The following TMCO1 variants were observed in gnomAD, a reference collection of about 807,000 sequenced individuals.
TMCO1 encodes the protein transmembrane and coiled-coil domains 1.
Under a neutral mutation model 29.3 loss-of-function variants are expected in TMCO1, and 29 were observed. That is an observed-to-expected ratio of 0.99 (90% confidence interval 0.74 to 1.35). TMCO1 has a LOEUF of 1.35. Among genes scored for constraint, TMCO1 ranks in the 40% most tolerant of loss-of-function variants. The pLI is 0.00. For missense variants in TMCO1, 173 were observed against 225.5 expected (o/e 0.77, Z 1.49); for synonymous variants, 80 against 77.1 (o/e 1.04, Z -0.20).
rs59467463 is a variant in TMCO1, at chr1:165,746,453, T to TCACA, written c.324-3146_324-3143dup. Among the ~76,000 whole-genome samples, 920 of 132,384 alleles carry TCACA rather than the reference T, an allele frequency of 6.9e-3. 8 individuals carry two copies. The highest frequency in any genetic ancestry group is 0.014 in the Middle Eastern group (4 of 284). 86.8% of individuals were successfully genotyped at this position (132,384 alleles called of 152,430 possible). On this transcript the variant is annotated intron_variant, in intron 5 of 6. Transcript: ENST00000367881. ...ACTTCTATAGCTTGGAAGACCTATA[T>TCACA]CACACACACACACACACACACACAC...
intron 2 of TMCO1, among the ~76,000 whole-genome samples, chr1:165,762,010 ATT>A (rs1491123483): frequency 1.7e-3 from 39 of 22,632 alleles, no homozygotes; most frequent in Middle Eastern, 0.036. Context: ...TAACATTTTT[ATT>A]AAAATGTTAT....
intron 2 of TMCO1, among the ~76,000 whole-genome samples, chr1:165,767,355 C>G (rs1028718984): frequency 6.6e-6 from 1 of 152,136 alleles, no homozygotes; most frequent in African/African-American, 2.4e-5. Flanking sequence ...TTAGCTGAGT[C>G]CTGTGGAATT....
At chr1:165,738,817 C>A (rs963555457) in intron 6 of TMCO1, among the ~76,000 whole-genome samples, 1 of 152,142 alleles carries the variant, frequency 6.6e-6, no homozygotes, top group African/African-American at 2.4e-5. Flanking sequence ...ACTGAGGATG[C>A]TGCAATAAGT....
downstream of TMCO1, chr1:165,725,571 G>C (rs1364682220): frequency 6.6e-6 from 3 of 453,974 alleles, no homozygotes; most frequent in African/African-American, 4.0e-5. Flanking sequence ...CTAGACAGGA[G>C]ACAATCCATC....
intron 5 of TMCO1, among the ~76,000 whole-genome samples, chr1:165,746,882 A>G (rs1651818380): frequency 6.6e-6 from 1 of 152,228 alleles, no homozygotes; most frequent in Non-Finnish European, 1.5e-5. Flanking sequence ...GTCTGATCAT[A>G]TGATTATCTA....
At chr1:165,736,274 A>G (rs1651378612) in intron 6 of TMCO1, among the ~76,000 whole-genome samples, 1 of 152,268 alleles carries the variant, frequency 6.6e-6, no homozygotes, top group African/African-American at 2.4e-5. Context: ...ACTAAGACAA[A>G]TGCCAGGTTA....
In TMCO1 at chr1:165,768,756, C is replaced by A; in HGVS notation, c.-5G>T. Reference sequence around the variant, plus strand: ...GTCCGCGAACATAGTGCTCATCTCGCACCTTCGTCTCTGCACTCTCACCCG... The same window carrying A: ...GTCCGCGAACATAGTGCTCATCTCGAACCTTCGTCTCTGCACTCTCACCCG... On this transcript the variant is annotated 5_prime_UTR_variant, in exon 1 of 7. Transcript: ENST00000367881. 6.2e-7 allele frequency: 1 copy of A among 1,614,122 alleles called. No individual in the cohort carries two copies.
intron 6 of TMCO1, 52 bp from the exon 7 acceptor site, chr1:165,728,173 A>ACACATCTTC: frequency 7.1e-7 from 1 of 1,409,276 alleles, no homozygotes; most frequent in Non-Finnish European, 9.9e-7. Context: ...TATACAGAAG[A>ACACATCTTC]TGTGTTTTAT....
intron 5 of TMCO1, among the ~76,000 whole-genome samples, chr1:165,751,627 G>A (rs548738681): frequency 2.6e-5 from 4 of 151,638 alleles, no homozygotes; most frequent in South Asian, 2.1e-4. Context: ...TCGCTTGAAC[G>A]CAGGAAGACA....
intron 1 of TMCO1, 197 bp from the exon 2 acceptor site, chr1:165,768,466 C>A (rs1014530697): frequency 1.9e-6 from 3 of 1,539,880 alleles, no homozygotes; most frequent in Non-Finnish European, 2.6e-6. Context: ...TCCACAAATA[C>A]CCAAGTGAAA....
chr1:165,746,453 T>TAACACACACA (rs375022011), intron 5 of TMCO1, among the ~76,000 whole-genome samples: 1 of 132,326 alleles, frequency 7.6e-6, no homozygotes, highest in Non-Finnish European at 1.6e-5. Flanking sequence ...AAGACCTATA[T>TAACACACACA]CACACACACA....
chr1:165,734,396 T>C (rs1038672059), intron 6 of TMCO1, among the ~76,000 whole-genome samples: 1 of 152,208 alleles, frequency 6.6e-6, no homozygotes, highest in Non-Finnish European at 1.5e-5. Flanking sequence ...CAAATCTCAA[T>C]GTCCTTACTG....
chr1:165,766,638 G>A (rs545105264), intron 2 of TMCO1, among the ~76,000 whole-genome samples: 1 of 152,194 alleles, frequency 6.6e-6, no homozygotes, highest in Non-Finnish European at 1.5e-5. Flanking sequence ...ATATCAGCCA[G>A]TCATGGTGGT....
rs140650862 is a variant in TMCO1, at chr1:165,734,278, G to A, written c.469-6157C>T. Reference sequence around the variant, plus strand: ...AAATATTTACTAAAAAAACCTTATCGTACAAGCTTGATATCGCTGAAATAT... The same window carrying A: ...AAATATTTACTAAAAAAACCTTATCATACAAGCTTGATATCGCTGAAATAT... On this transcript the variant is annotated intron_variant, in intron 6 of 6. Coordinates refer to ENST00000367881, the MANE Select transcript of TMCO1 (RefSeq NM_019026.6). Among the ~76,000 whole-genome samples, 70 of 152,096 alleles carry A rather than the reference G, an allele frequency of 4.6e-4. No individual in the cohort carries two copies. In the East Asian group the frequency reaches 0.01, roughly 22 times the overall value.
chr1:165,743,986 A>T (rs1264378890), intron 5 of TMCO1, among the ~76,000 whole-genome samples: 1 of 151,628 alleles, frequency 6.6e-6, no homozygotes, highest in Non-Finnish European at 1.5e-5. Flanking sequence ...CAGCCTCCCG[A>T]GTAGCTGGGA....
At chr1:165,735,511 ATTTTTTTTTTTT>A (rs34062484) in intron 6 of TMCO1, among the ~76,000 whole-genome samples, 56 of 110,282 alleles carry the variant, frequency 5.1e-4, no homozygotes, top group Middle Eastern at 4.6e-3. Context: ...TCTCTGCTTA[ATTTTTTTTTTTT>A]TTTTTTTTGG....
rs1456933675 is a variant in TMCO1, at chr1:165,729,573, G to C, written c.469-1452C>G. Among the ~76,000 whole-genome samples, 2 of 152,098 alleles carry C rather than the reference G, an allele frequency of 1.3e-5. 1 individual carries two copies. The highest frequency in any genetic ancestry group is 4.8e-5 in the African/African-American group (2 of 41,420). ...GACCTCAGGTGATCCGCCTGCCTCA[G>C]CCTCCCAAAGTGCTGGGATTACAGG... On this transcript the variant is annotated intron_variant, in intron 6 of 6. Transcript: ENST00000367881.
At chr1:165,764,411 G>A (rs56207262) in intron 2 of TMCO1, among the ~76,000 whole-genome samples, 2,023 of 152,282 alleles carry the variant, frequency 0.013, 53 homozygotes, top group African/African-American at 0.047. Context: ...TAAAACTGCA[G>A]TTGTGACAAC....
At chr1:165,751,223 T>C (rs1274844505) in intron 5 of TMCO1, among the ~76,000 whole-genome samples, 1 of 152,192 alleles carries the variant, frequency 6.6e-6, no homozygotes, top group Non-Finnish European at 1.5e-5. Flanking sequence ...AGACTCTATT[T>C]TAAGAAGCAA....
Sources: gnomAD v4.1 joint callset for allele counts (sites outside exome capture counted in the v4.1 genomes callset) on GRCh38, gnomAD v4.1.1 for gene constraint, MANE v1.5 for transcripts, NCBI Gene and HGNC (gene_info 2026-07-23, HGNC 2026-07-21) for gene names.